KLF12: variants seen among roughly 807,000 people sequenced by gnomAD.
KLF12 encodes KLF transcription factor 12.
Under a neutral mutation model 37.8 loss-of-function variants are expected in KLF12, and 9 were observed. That is an observed-to-expected ratio of 0.24 (90% CI 0.14 to 0.42). The LOEUF (loss-of-function observed/expected upper bound fraction) is 0.42. Ranked by LOEUF, KLF12 falls within the 10% of genes least tolerant of loss-of-function variation. The pLI is 1.00. For missense variants in KLF12, 411 were observed against 516.0 expected (o/e 0.80, Z 1.97); for synonymous variants, 208 against 202.1 (o/e 1.03, Z -0.25).
intron 4 of KLF12, chr13:73,844,657 C>A (rs1409529449): frequency 1.3e-5 from 2 of 152,054 alleles, no homozygotes; most frequent in African/African-American, 2.4e-5. Flanking sequence ...GTAATTCATA[C>A]CTGCAAAAAT....
the KLF12 span, among the ~76,000 whole-genome samples, chr13:74,168,363 C>T: frequency 1.3e-5 from 2 of 152,238 alleles, no homozygotes; most frequent in East Asian, 3.8e-4. Context: ...TTATCTCCCT[C>T]TCCATATTAC....
intron 1 of KLF12, among the ~76,000 whole-genome samples, chr13:74,103,112 A>G (rs748619698): frequency 2.6e-5 from 4 of 152,264 alleles, no homozygotes; most frequent in African/African-American, 9.6e-5. Context: ...GGGGTATGTG[A>G]TGGAGCAAAC....
the KLF12 span, among the ~76,000 whole-genome samples, chr13:74,294,500 C>T: frequency 1.3e-5 from 2 of 152,036 alleles, no homozygotes; most frequent in African/African-American, 4.8e-5. Flanking sequence ...TCCTGAGTAG[C>T]TGGGATTACA....
the KLF12 span, among the ~76,000 whole-genome samples, chr13:74,198,705 C>A: frequency 6.6e-6 from 1 of 151,892 alleles, no homozygotes; most frequent in South Asian, 2.1e-4. Context: ...AAGAAAAAAA[C>A]CCAGTATAGA....
At chr13:74,261,278 T>G in the KLF12 span, among the ~76,000 whole-genome samples, 2 of 152,272 alleles carry the variant, frequency 1.3e-5, no homozygotes, top group South Asian at 2.1e-4. Context: ...ATAAATATAA[T>G]TAGAGAATAA....
chr13:74,013,294 C>G (rs954914924), intron 1 of KLF12, among the ~76,000 whole-genome samples: 7 of 152,220 alleles, frequency 4.6e-5, no homozygotes, highest in African/African-American at 1.7e-4. Context: ...CTTGAATTTA[C>G]TTAGGCAGCT....
chr13:74,207,863 G>A, the KLF12 span, among the ~76,000 whole-genome samples: 6 of 152,080 alleles, frequency 3.9e-5, no homozygotes, highest in Non-Finnish European at 8.8e-5. Flanking sequence ...TTTACCACCT[G>A]AGCCTACGGT....
chr13:74,027,753 C>T (rs1380800592), intron 1 of KLF12, among the ~76,000 whole-genome samples: 1 of 151,994 alleles, frequency 6.6e-6, no homozygotes, highest in African/African-American at 2.4e-5. Flanking sequence ...CCTCTTTTTT[C>T]TTTTTTACTT....
chr13:73,736,973 A>G (rs1877509429), intron 6 of KLF12, among the ~76,000 whole-genome samples: 1 of 152,208 alleles, frequency 6.6e-6, no homozygotes, highest in African/African-American at 2.4e-5. Context: ...AGCTCTCTTC[A>G]TTATATACCA....
intron 1 of KLF12, among the ~76,000 whole-genome samples, chr13:74,125,379 T>C (rs1252634316): frequency 6.6e-6 from 1 of 152,168 alleles, no homozygotes; most frequent in East Asian, 1.9e-4. Flanking sequence ...TACATTATAA[T>C]GTGCCACATA....
intron 3 of KLF12, among the ~76,000 whole-genome samples, chr13:73,878,276 A>T (rs1886812142): frequency 6.6e-6 from 1 of 152,156 alleles, no homozygotes; most frequent in South Asian, 2.1e-4. Flanking sequence ...ATGGATAATC[A>T]CATAAAATTA....
chr13:73,869,112 C>T (rs977884550), intron 3 of KLF12, among the ~76,000 whole-genome samples: 2 of 152,014 alleles, frequency 1.3e-5, no homozygotes, highest in African/African-American at 2.4e-5. Flanking sequence ...TACATCTCTC[C>T]ATGTGTTATA....
Position 74,054,605 on chromosome 13 carries a change from G to A in KLF12, c.-31-59552C>T, listed in dbSNP as rs116298710. On this transcript the variant is annotated intron_variant, in intron 1 of 7. Transcript: ENST00000377669. ...AAACAACTCAAGGCTTAATGCAGGA[G>A]CACATAAGCTTCTAAGATCAGAATC... 4.2e-3 allele frequency among the ~76,000 whole-genome samples: 644 copies of A among 152,332 alleles called. 3 individuals are homozygous for A. Among genetic ancestry groups the A allele is most frequent in the African/African-American group, 0.015 (607 of 41,578 alleles).
At chr13:74,068,558 C>CTTTT (rs71115634) in intron 1 of KLF12, among the ~76,000 whole-genome samples, 1 of 135,154 alleles carries the variant, frequency 7.4e-6, no homozygotes, top group Non-Finnish European at 1.6e-5. Context: ...AAATTTTTTT[C>CTTTT]TTTTTTTTTT....
intron 5 of KLF12, among the ~76,000 whole-genome samples, chr13:73,774,670 T>C (rs1880490248): frequency 6.6e-6 from 1 of 152,200 alleles, no homozygotes; most frequent in South Asian, 2.1e-4. Context: ...GAATTCTCTA[T>C]AATAATTTTG....
At chr13:73,991,064 C>T (rs1371854287) in intron 2 of KLF12, among the ~76,000 whole-genome samples, 1 of 152,142 alleles carries the variant, frequency 6.6e-6, no homozygotes, top group Non-Finnish European at 1.5e-5. Flanking sequence ...TTTCCCAAAT[C>T]TCTGCATATC....
intron 5 of KLF12, among the ~76,000 whole-genome samples, chr13:73,766,426 T>G (rs570450179): frequency 6.6e-6 from 1 of 152,212 alleles, no homozygotes; most frequent in Non-Finnish European, 1.5e-5. Context: ...ATAAAAATTA[T>G]ACGAAAGGCA....
chr13:74,226,248 G>A, the KLF12 span, among the ~76,000 whole-genome samples: 44 of 152,272 alleles, frequency 2.9e-4, no homozygotes, highest in African/African-American at 1.0e-3. Context: ...ACTTGGGAAG[G>A]AGAGGAGGCG....
the KLF12 span, among the ~76,000 whole-genome samples, chr13:74,280,929 G>A: frequency 7.0e-6 from 1 of 143,596 alleles, no homozygotes; most frequent in Admixed American, 7.3e-5. Context: ...ACCACAATCA[G>A]ATAGCCACTA....
Sources: gnomAD v4.1 joint callset for allele counts (sites outside exome capture counted in the v4.1 genomes callset) on GRCh38, gnomAD v4.1.1 for gene constraint, MANE v1.5 for transcripts, NCBI Gene and HGNC (gene_info 2026-07-23, HGNC 2026-07-21) for gene names.